Variants in VCAN observed in about 807,000 individuals in gnomAD.
The protein encoded by VCAN is versican.
In VCAN, 44 loss-of-function variants were observed where a neutral mutation model predicts 245.5. The observed-to-expected ratio is 0.18, with a 90% CI of 0.14 to 0.23. The LOEUF is 0.23. Among genes scored for constraint, VCAN ranks in the 10% least tolerant of loss-of-function variants. The probability of loss-of-function intolerance (pLI) is 1.00; values close to 1 mark genes in which losing one functional copy is unlikely to be tolerated. For synonymous variants in VCAN, 1,413 were observed against 1,437.0 expected (o/e 0.98, Z 0.38); for missense variants, 3,793 against 4,057.9 (o/e 0.93, Z 1.77).
intron 7 of VCAN, among the ~76,000 whole-genome samples, chr5:83,526,106 A>T (rs1039654729): frequency 6.6e-6 from 1 of 151,892 alleles, no homozygotes; most frequent in Non-Finnish European, 1.5e-5. Flanking sequence ...TGCCTGGCGA[A>T]TTTTTGTATT....
At chr5:83,485,448 G>C (rs1382309959) in intron 2 of VCAN, among the ~76,000 whole-genome samples, 1 of 151,980 alleles carries the variant, frequency 6.6e-6, no homozygotes, top group Non-Finnish European at 1.5e-5. Context: ...AAGTGCAGTA[G>C]GAAGTATTGA....
At chr5:83,533,477 C>T (rs1276253977) in intron 7 of VCAN, among the ~76,000 whole-genome samples, 1 of 152,040 alleles carries the variant, frequency 6.6e-6, no homozygotes, top group East Asian at 1.9e-4. Flanking sequence ...CTGAAGTTGA[C>T]AAGAGAGTGT....
chr5:83,529,844 CTT>C (rs1376901787), intron 7 of VCAN, among the ~76,000 whole-genome samples: 2 of 152,108 alleles, frequency 1.3e-5, no homozygotes, highest in South Asian at 2.1e-4. Context: ...ATAGTAATGA[CTT>C]AGTACAAATT....
At chr5:83,543,093 T>C (rs563265562) in intron 8 of VCAN, among the ~76,000 whole-genome samples, 228 of 152,312 alleles carry the variant, frequency 1.5e-3, no homozygotes, top group African/African-American at 5.3e-3. Flanking sequence ...CACTCTAAAG[T>C]CCATAGTCTT....
In VCAN at chr5:83,538,713, A is replaced by T; in HGVS notation, c.5710A>T (p.Arg1904Trp). 6.2e-7 allele frequency: 1 copy of T among 1,614,080 alleles called. No individual in the cohort carries two copies. Among genetic ancestry groups the T allele is most frequent in the Non-Finnish European group, 8.5e-7 (1 of 1,179,968 alleles). The change falls in exon 8 of 15, where the codon AGG becomes TGG. Residue 1904 changes from arginine to tryptophan, a missense_variant. Coordinates refer to ENST00000265077, the MANE Select transcript of VCAN (RefSeq NM_004385.5). ...TGCTGAAAATATAACCCAAACATCC[A>T]GGGAAATAGTGATTTCAGAGCGATT... is the stretch of plus-strand genomic sequence containing the variant. ...VVAENITQTSREIVISERLGE... is the reference protein window; with the variant it reads ...VVAENITQTSWEIVISERLGE...
chr5:83,507,568 G>A (rs1243417362), intron 5 of VCAN, among the ~76,000 whole-genome samples: 1 of 152,218 alleles, frequency 6.6e-6, no homozygotes, highest in Non-Finnish European at 1.5e-5. Context: ...GTGCCTATTT[G>A]ATTTGCTTGA....
intron 5 of VCAN, among the ~76,000 whole-genome samples, chr5:83,505,825 A>G (rs886685526): frequency 7.9e-5 from 12 of 152,162 alleles, no homozygotes; most frequent in African/African-American, 2.7e-4. Context: ...AGGCATTTCC[A>G]TACATCTTAT....
At chr5:83,515,590 A>G (rs1183298685) in intron 6 of VCAN, among the ~76,000 whole-genome samples, 1 of 152,214 alleles carries the variant, frequency 6.6e-6, no homozygotes, top group African/African-American at 2.4e-5. Flanking sequence ...CTTGTTTTAC[A>G]GTTTCAATCT....
intron 1 of VCAN, 22 bp from the exon 2 acceptor site, chr5:83,483,491 T>G (rs539033636): frequency 6.3e-7 from 1 of 1,600,000 alleles, no homozygotes; most frequent in Non-Finnish European, 8.6e-7. Flanking sequence ...GTGATTTACT[T>G]TGTGTTTTTC....
At chr5:83,575,465 T>G (rs1208787864) in intron 13 of VCAN, among the ~76,000 whole-genome samples, 1 of 152,232 alleles carries the variant, frequency 6.6e-6, no homozygotes. Flanking sequence ...TGCCCTCTTA[T>G]GTCTCCAATG....
intron 5 of VCAN, among the ~76,000 whole-genome samples, chr5:83,501,327 T>C (rs1745323846): frequency 6.6e-6 from 1 of 152,212 alleles, no homozygotes; most frequent in African/African-American, 2.4e-5. Flanking sequence ...AATTTGTCTA[T>C]TTTTAAAATT....
At chr5:83,479,208 G>C (rs1744527388) in intron 1 of VCAN, among the ~76,000 whole-genome samples, 1 of 152,140 alleles carries the variant, frequency 6.6e-6, no homozygotes. Context: ...CTAGAAAGTT[G>C]GTTGTCTAGG....
chr5:83,554,551 G>A (rs748355525), intron 11 of VCAN, among the ~76,000 whole-genome samples: 6 of 152,020 alleles, frequency 3.9e-5, no homozygotes, highest in African/African-American at 4.8e-5. Context: ...TGAGGGTAGC[G>A]TGGATAAGAT....
Position 83,580,392 on chromosome 5 carries a change from T to C in VCAN, c.10149T>C (p.His3383=). 6.2e-7 allele frequency: 1 copy of C among 1,613,984 alleles called. No individual in the cohort carries two copies. Among genetic ancestry groups the C allele is most frequent in the Non-Finnish European group, 8.5e-7 (1 of 1,179,948 alleles). Residue 3383 remains histidine, a synonymous_variant, in exon 15 of 15, where the codon CAT becomes CAC. Transcript: ENST00000265077. ...ACAATTCAATAAATACATCCAAACA[T>C]GATCATCGTTGGAGCCGGAGGTGGC... ...AKDNSINTSK[H]DHRWSRRWQE... is the part of the protein sequence containing the mutation.
intron 7 of VCAN, among the ~76,000 whole-genome samples, chr5:83,534,857 G>T (rs1193353): frequency 0.66 from 100,762 of 151,668 alleles, 33,898 homozygotes; most frequent in African/African-American, 0.76. Context: ...TTCACATTCT[G>T]TTTTCATAGC....
chr5:83,494,468 G>A (rs1325915059), intron 5 of VCAN, among the ~76,000 whole-genome samples: 1 of 152,138 alleles, frequency 6.6e-6, no homozygotes, highest in Non-Finnish European at 1.5e-5. Context: ...ATCACCTACT[G>A]TGATTTTTGT....
At chr5:83,494,634 A>G (rs1009856987) in intron 5 of VCAN, among the ~76,000 whole-genome samples, 1 of 152,212 alleles carries the variant, frequency 6.6e-6, no homozygotes, top group African/African-American at 2.4e-5. Flanking sequence ...GACATTATCT[A>G]AAGAGCATGG....
intron 1 of VCAN, among the ~76,000 whole-genome samples, chr5:83,477,694 C>T (rs181305240): frequency 1.1e-4 from 17 of 152,148 alleles, no homozygotes; most frequent in African/African-American, 1.9e-4. Flanking sequence ...AAAACATCTA[C>T]GACATTTGAG....
Position 83,540,894 on chromosome 5 carries a change from TTAAC to T in VCAN, c.7893_7896del (p.Thr2632ArgfsTer23). On this transcript the variant is annotated frameshift_variant, in exon 8 of 15. Coordinates refer to ENST00000265077, the MANE Select transcript of VCAN (RefSeq NM_004385.5). LOFTEE classifies it high-confidence loss of function. ...CTATGAGGCAGCTGTCAACCTTTCT[TTAAC>T]TGAGGAAACATTTGAGGGCTCTGCT... 6.2e-7 allele frequency: 1 copy of T among 1,614,012 alleles called. No homozygotes were observed. Among genetic ancestry groups the T allele is most frequent in the Non-Finnish European group, 8.5e-7 (1 of 1,179,990 alleles).
Sources: gnomAD v4.1 joint callset for allele counts (sites outside exome capture counted in the v4.1 genomes callset) on GRCh38, gnomAD v4.1.1 for gene constraint, MANE v1.5 for transcripts, NCBI Gene and HGNC (gene_info 2026-07-23, HGNC 2026-07-21) for gene names.